TMEM201: variants seen among roughly 807,000 people sequenced by gnomAD.
TMEM201 encodes the protein RP13-15M17.2.
A neutral mutation model predicts 63.4 loss-of-function variants in TMEM201; 26 were observed. That is an observed-to-expected ratio of 0.41 (90% CI 0.30 to 0.57). The LOEUF (loss-of-function observed/expected upper bound fraction) is 0.57. Among genes scored for constraint, TMEM201 ranks in the 20% least tolerant of loss-of-function variants. TMEM201 has a pLI of 0.29. For missense variants in TMEM201, 794 were observed against 917.7 expected (o/e 0.87, Z 1.74); for synonymous variants, 417 against 421.6 (o/e 0.99, Z 0.14).
chr1:9,595,833 C>T (rs1644007692), intron 1 of TMEM201, 57 bp from the exon 2 acceptor site: 1 of 1,606,034 alleles, frequency 6.2e-7, no homozygotes, highest in Non-Finnish European at 8.5e-7. Flanking sequence ...CATGGAGGTC[C>T]CTCTCCAGCA....
chr1:9,590,583 CAAG>C (rs1213183639), intron 1 of TMEM201, among the ~76,000 whole-genome samples: 1 of 152,184 alleles, frequency 6.6e-6, no homozygotes, highest in Non-Finnish European at 1.5e-5. Context: ...CTCCTGGAAA[CAAG>C]AGTCTGGGGC....
At chr1:9,602,408 C>G in intron 6 of TMEM201, 136 bp downstream of exon 6, 3 of 1,475,466 alleles carry the variant, frequency 2.0e-6, no homozygotes, top group Non-Finnish European at 1.8e-6. Flanking sequence ...CCCTACAGCC[C>G]CAGGTCCTGG....
rs987346741 is a variant in TMEM201 at position 9,603,446 on chromosome 1, G to A, written c.1160+1174G>A. ...CAGGGGTCCCAGTCGAGAGTGGCCC[G>A]AGGCCGTCCCTCACCGGGCATGTTC... On this transcript the variant is annotated intron_variant, in intron 6 of 10. Coordinates refer to ENST00000340381, the MANE Select transcript of TMEM201 (RefSeq NM_001130924.3). The surrounding 1 kb of genome is among the most constrained non-coding windows in gnomAD (Gnocchi z 4.5). 21 of 985,312 alleles carry A rather than the reference G, an allele frequency of 2.1e-5. No individual in the cohort carries two copies. Among genetic ancestry groups the A allele is most frequent in the Middle Eastern group, 5.2e-4 (1 of 1,936 alleles). 61.0% of individuals were successfully genotyped at this position (985,312 alleles called of 1,614,324 possible).
At chr1:9,596,230 C>T (rs761648325) in intron 2 of TMEM201, among the ~76,000 whole-genome samples, 7 of 152,194 alleles carry the variant, frequency 4.6e-5, no homozygotes, top group Non-Finnish European at 8.8e-5. Context: ...AGGAGGAACC[C>T]GACGCAGGGA....
Position 9,603,526 on chromosome 1 carries a change from G to A in TMEM201, c.1160+1254G>A, listed in dbSNP as rs1644186179. The A allele has an allele frequency of 4.1e-6, 4 of 985,458 alleles. No individual in the cohort carries two copies. The highest frequency in any genetic ancestry group is 1.7e-5 in the African/African-American group (1 of 57,242). 61.0% of individuals were successfully genotyped at this position (985,458 alleles called of 1,614,324 possible). ...CATGTCCTGCCACTCGCCACTCTGAGCACGAGTTCACCTTCCAGATGTGGC... is the reference window on the plus strand; with the variant it reads ...CATGTCCTGCCACTCGCCACTCTGAACACGAGTTCACCTTCCAGATGTGGC... On this transcript the variant is annotated intron_variant, in intron 6 of 10. Transcript: ENST00000340381. The surrounding 1 kb of genome is among the most constrained non-coding windows in gnomAD (Gnocchi z 4.5).
rs528176625 is a variant in TMEM201 at position 9,603,895 on chromosome 1, G to A, written c.1160+1623G>A. On this transcript the variant is annotated intron_variant, in intron 6 of 10. Coordinates refer to ENST00000340381, the MANE Select transcript of TMEM201 (RefSeq NM_001130924.3). The surrounding 1 kb of genome is among the most constrained non-coding windows in gnomAD (Gnocchi z 4.5). ...CTCAGCTTGTTGTTCTGTGTGGAGC[G>A]TGAGGTGAGAAAACCCCTCTGAAAA... 11 of 985,334 alleles carry A rather than the reference G, an allele frequency of 1.1e-5. No homozygotes were observed. Among genetic ancestry groups the A allele is most frequent in the Non-Finnish European group, 1.1e-5 (9 of 829,938 alleles). 61.0% of individuals were successfully genotyped at this position (985,334 alleles called of 1,614,324 possible). A position where few individuals can be genotyped will look rare whatever the true frequency, so the allele number is the denominator to read the frequency against.
chr1:9,612,028 C>T (rs1407375916), intron 10 of TMEM201, 138 bp downstream of exon 10: 5 of 1,037,042 alleles, frequency 4.8e-6, no homozygotes, highest in Non-Finnish European at 6.8e-6. Flanking sequence ...AGTAACCCAC[C>T]CGGCGCCTCT....
chr1:9,610,624 C>T lies in TMEM201; in HGVS notation c.1584C>T (p.Ile528=), dbSNP rs1429826071. ...CTCTGCGCCACCGCAGGCCCCTCAT[C>T]AGCCCTGCCCGGCTCAACCTGAAGG... is the stretch of plus-strand genomic sequence containing the variant. The part of the protein sequence containing the change: ...SGSLRHRRPL[I]SPARLNLKGQ... Residue 528 remains isoleucine (I), a synonymous_variant, in exon 9 of 11, where the codon ATC becomes ATT. Transcript: ENST00000340381. The surrounding 1 kb of genome is among the most constrained non-coding windows in gnomAD (Gnocchi z 4.9). 1 of 1,550,702 alleles carries T rather than the reference C, an allele frequency of 6.4e-7. No individual in the cohort carries two copies. The highest frequency in any genetic ancestry group is 8.7e-7 in the Non-Finnish European group (1 of 1,146,920).
intron 8 of TMEM201, 32 bp downstream of exon 8, chr1:9,609,943 G>T: frequency 6.5e-6 from 10 of 1,547,720 alleles, no homozygotes; most frequent in South Asian, 1.2e-5. Flanking sequence ...GTGGGGGACG[G>T]GGCAACATGA....
chr1:9,590,962 G>A (rs1041031006), intron 1 of TMEM201, among the ~76,000 whole-genome samples: 18 of 152,206 alleles, frequency 1.2e-4, no homozygotes, highest in African/African-American at 2.7e-4. Context: ...TTTGGAAGGC[G>A]ACTTGGCTGG....
In TMEM201 at chr1:9,603,492, C is replaced by T; in HGVS notation, c.1160+1220C>T. On this transcript the variant is annotated intron_variant, in intron 6 of 10. Transcript: ENST00000340381. The surrounding 1 kb of genome is among the most constrained non-coding windows in gnomAD (Gnocchi z 4.5). ...TGTTCCCTCTGGCTGCCCACTCCCT[C>T]AGGGCCCACATGTCCTGCCACTCGC... The T allele has an allele frequency of 7.1e-6, 7 of 985,512 alleles. No homozygotes were observed. Among genetic ancestry groups the T allele is most frequent in the Non-Finnish European group, 8.4e-6 (7 of 829,972 alleles). 61.0% of individuals were successfully genotyped at this position (985,512 alleles called of 1,614,324 possible).
intron 3 of TMEM201, among the ~76,000 whole-genome samples, chr1:9,597,448 C>T (rs1292220068): frequency 6.6e-6 from 1 of 152,226 alleles, no homozygotes; most frequent in East Asian, 1.9e-4. Flanking sequence ...CTGAATCAGC[C>T]TTGCCTGCTG....
At position 9,603,232 on chromosome 1, in the gene TMEM201, G is replaced by A. The variant is rs957935801; in HGVS notation, c.1160+960G>A. The A allele has an allele frequency of 5.1e-6, 5 of 985,452 alleles. No homozygotes were observed. In the African/African-American group the frequency reaches 8.7e-5, roughly 17 times the overall value. The allele number at this position is 985,452 out of a possible 1,614,324, so 61.0% of individuals were successfully genotyped here. On this transcript the variant is annotated intron_variant, in intron 6 of 10. Transcript: ENST00000340381. The surrounding 1 kb of genome is among the most constrained non-coding windows in gnomAD (Gnocchi z 4.5). Reference sequence around the variant, plus strand: ...CCCACAGACCTGCTCCTCAGTAGCAGGGCCTGGCCAGGCCCCTGCTGTTCT... The same window carrying A: ...CCCACAGACCTGCTCCTCAGTAGCAAGGCCTGGCCAGGCCCCTGCTGTTCT...
In TMEM201 at chr1:9,611,766, G is replaced by A. The variant is rs1200790594; in HGVS notation, c.1779G>A (p.Lys593=). Residue 593 remains lysine, a synonymous_variant, in exon 10 of 11, where the codon AAG becomes AAA. Coordinates refer to ENST00000340381, the MANE Select transcript of TMEM201 (RefSeq NM_001130924.3). ...DVKHALDLRS[K]LERGSACSNR... is the part of the protein sequence containing the mutation. ...TTCTCTCTGCAGACCTGAGATCCAA[G>A]CTGGAAAGAGGCAGTGCCTGCAGCA... 3 of 1,551,352 alleles carry A rather than the reference G, an allele frequency of 1.9e-6. No homozygotes were observed. Among genetic ancestry groups the A allele is most frequent in the East Asian group, 2.4e-5 (1 of 40,922 alleles).
At chr1:9,592,510 C>T (rs1274616748) in intron 1 of TMEM201, among the ~76,000 whole-genome samples, 1 of 152,302 alleles carries the variant, frequency 6.6e-6, no homozygotes, top group Non-Finnish European at 1.5e-5. Flanking sequence ...CCAGTGCCCC[C>T]TCTAGCAGGT....
At chr1:9,598,365 G>A in intron 3 of TMEM201, 84 bp from the exon 4 acceptor site, 1 of 1,513,476 alleles carries the variant, frequency 6.6e-7, no homozygotes, top group Non-Finnish European at 9.0e-7. Flanking sequence ...TGGCAGGTCA[G>A]GATCTGATTC....
In TMEM201 at chr1:9,604,231, G is replaced by A. The variant is rs1644202374; in HGVS notation, c.1160+1959G>A. The A allele has an allele frequency of 1.0e-6, 1 of 985,424 alleles. No homozygotes were observed. Among genetic ancestry groups the A allele is most frequent in the East Asian group, 1.1e-4 (1 of 8,814 alleles). The allele number at this position is 985,424 out of a possible 1,614,324, so 61.0% of individuals were successfully genotyped here. A position where few individuals can be genotyped will look rare whatever the true frequency, so the allele number is the denominator to read the frequency against. ...AGAAGCAGGACATCTGTGTGTATGTGCGTATTTAAATTAGATTATTTATAA... is the reference window on the plus strand; with the variant it reads ...AGAAGCAGGACATCTGTGTGTATGTACGTATTTAAATTAGATTATTTATAA... On this transcript the variant is annotated intron_variant, in intron 6 of 10. Coordinates refer to ENST00000340381, the MANE Select transcript of TMEM201 (RefSeq NM_001130924.3). The surrounding 1 kb of genome is among the most constrained non-coding windows in gnomAD (Gnocchi z 4.1).
In TMEM201 at chr1:9,603,263, T is replaced by G. The variant is rs1324849005; in HGVS notation, c.1160+991T>G. On this transcript the variant is annotated intron_variant, in intron 6 of 10. Coordinates refer to ENST00000340381, the MANE Select transcript of TMEM201 (RefSeq NM_001130924.3). This position sits in a 1 kb window ranked among gnomAD's most constrained non-coding sequence, Gnocchi z 4.5. ...GGCCAGGCCCCTGCTGTTCTCAGCC[T>G]CAGTTTGCCATCTATGAAATGAGGT... The G allele has an allele frequency of 1.0e-6, 1 of 984,774 alleles. No individual in the cohort carries two copies. Among genetic ancestry groups the G allele is most frequent in the Non-Finnish European group, 1.2e-6 (1 of 829,514 alleles). The allele number at this position is 984,774 out of a possible 1,614,324, so 61.0% of individuals were successfully genotyped here.
At chr1:9,611,685 A>T in intron 9 of TMEM201, 68 bp from the exon 10 acceptor site, 1 of 1,544,780 alleles carries the variant, frequency 6.5e-7, no homozygotes, top group Non-Finnish European at 8.8e-7. Context: ...GTGGAAGTAC[A>T]GCTGCCCCGC....
Sources: gnomAD v4.1 joint callset for allele counts (sites outside exome capture counted in the v4.1 genomes callset) on GRCh38, gnomAD v4.1.1 for gene constraint, Gnocchi (gnomAD v3.1) non-coding constraint, MANE v1.5 for transcripts, NCBI Gene and HGNC (gene_info 2026-07-23, HGNC 2026-07-21) for gene names.